The following PTPRG variants were observed in gnomAD, a reference collection of about 807,000 sequenced individuals.
The protein encoded by PTPRG is receptor-type tyrosine-protein phosphatase gamma.
PTPRG carries 102 observed loss-of-function variants against 165.3 expected under a neutral mutation model. That is an observed-to-expected ratio of 0.62 (90% confidence interval 0.53 to 0.73). PTPRG has a LOEUF of 0.73. Among genes scored for constraint, PTPRG ranks in the 30% least tolerant of loss-of-function variants. The probability of loss-of-function intolerance (pLI) is 0.00; values close to 1 mark genes in which losing one functional copy is unlikely to be tolerated. For missense variants in PTPRG, 1,866 were observed against 1,861.4 expected, an observed-to-expected ratio of 1.00 and a Z score of -0.05; for synonymous variants, 675 against 669.5, an observed-to-expected ratio of 1.01 and a Z score of -0.13.
chr3:62,073,606 G>A (rs1458170086), intron 4 of PTPRG, among the ~76,000 whole-genome samples: 1 of 152,050 alleles, frequency 6.6e-6, no homozygotes, highest in Admixed American at 6.5e-5. Flanking sequence ...AGCCTCCCAA[G>A]TAGCCTCCCA....
chr3:61,637,900 ATGTC>A (rs1701959592), intron 1 of PTPRG, among the ~76,000 whole-genome samples: 1 of 148,682 alleles, frequency 6.7e-6, no homozygotes, highest in Admixed American at 6.8e-5. Flanking sequence ...CTTACCATTC[ATGTC>A]TGTGAATTAT....
At chr3:61,913,462 G>T (rs573581935) in intron 2 of PTPRG, among the ~76,000 whole-genome samples, 1 of 152,156 alleles carries the variant, frequency 6.6e-6, no homozygotes, top group South Asian at 2.1e-4. Flanking sequence ...CTCGTGATCC[G>T]CCTGCCTCAG....
At position 62,203,115 on chromosome 3, in the gene PTPRG, CTTCTCTGCTT is replaced by C. The variant is rs1375286642; in HGVS notation, c.1378-55_1378-46del. The C allele has an allele frequency of 6.6e-7, 1 of 1,522,936 alleles. No individual in the cohort carries two copies. The highest frequency in any genetic ancestry group is 1.4e-5 in the African/African-American group (1 of 71,862). The allele number at this position is 1,522,936 out of a possible 1,614,324, so 94.3% of individuals were successfully genotyped here. A position where few individuals can be genotyped will look rare whatever the true frequency, so the allele number is the denominator to read the frequency against. On this transcript the variant is annotated intron_variant, in intron 11 of 29. Transcript: ENST00000474889. This position sits in a 1 kb window ranked among gnomAD's most constrained non-coding sequence, Gnocchi z 6.4. ...TCATTCCCAATCTCAATTACTGATG[CTTCTCTGCTT>C]TTTCTTCTTCTGCCTCTTTTCCACC...
intron 2 of PTPRG, among the ~76,000 whole-genome samples, chr3:61,884,291 C>A (rs1046400115): frequency 6.6e-5 from 10 of 152,172 alleles, no homozygotes; most frequent in African/African-American, 2.2e-4. Context: ...GTGTGCTTCA[C>A]TTTAATATGA....
intron 2 of PTPRG, among the ~76,000 whole-genome samples, chr3:61,962,510 T>A (rs1389513716): frequency 6.6e-6 from 1 of 152,148 alleles, no homozygotes; most frequent in East Asian, 1.9e-4. Context: ...ATAGGAAAAC[T>A]GTTCCTTTGA....
intron 2 of PTPRG, among the ~76,000 whole-genome samples, chr3:61,943,741 A>G (rs1324913576): frequency 6.6e-6 from 1 of 152,196 alleles, no homozygotes; most frequent in East Asian, 1.9e-4. Context: ...GGGGTACGTC[A>G]AAATTTCTTA....
rs146747826 is a variant in PTPRG, at chr3:62,127,713, C to CA, written c.616-4884dup. ...AGCAGATGGCCAGGACTTGATAGAG[C>CA]AAAAATTATTAGGATCCAAGTCAAG... On this transcript the variant is annotated intron_variant, in intron 5 of 29. Coordinates refer to ENST00000474889, the MANE Select transcript of PTPRG (RefSeq NM_002841.4). Among the ~76,000 whole-genome samples, 536 of 152,244 alleles carry CA rather than the reference C, an allele frequency of 3.5e-3. 3 individuals are homozygous for CA. The highest frequency in any genetic ancestry group is 0.011 in the African/African-American group (458 of 41,538).
At chr3:62,283,637 C>T (rs1702531467) in intron 28 of PTPRG, among the ~76,000 whole-genome samples, 1 of 152,110 alleles carries the variant, frequency 6.6e-6, no homozygotes, top group Non-Finnish European at 1.5e-5. Context: ...AGCTCTTGGT[C>T]AGCAGCATTC....
At chr3:62,008,698 G>A (rs2041351457) in intron 4 of PTPRG, among the ~76,000 whole-genome samples, 1 of 152,310 alleles carries the variant, frequency 6.6e-6, no homozygotes, top group East Asian at 1.9e-4. Flanking sequence ...GGGGTCGGGG[G>A]TTCAGAATGA....
At chr3:61,909,094 G>C (rs1475340276) in intron 2 of PTPRG, among the ~76,000 whole-genome samples, 1 of 152,062 alleles carries the variant, frequency 6.6e-6, no homozygotes, top group Non-Finnish European at 1.5e-5. Flanking sequence ...GGCTATTCTT[G>C]GTTTCATTCC....
intron 5 of PTPRG, among the ~76,000 whole-genome samples, chr3:62,100,510 T>C (rs541124050): frequency 6.3e-4 from 96 of 152,260 alleles, no homozygotes; most frequent in African/African-American, 2.3e-3. Context: ...TTCTTCACCA[T>C]GGATTTGGCA....
intron 16 of PTPRG, among the ~76,000 whole-genome samples, chr3:62,260,434 C>T (rs1701660773): frequency 1.3e-5 from 2 of 152,132 alleles, no homozygotes; most frequent in Non-Finnish European, 2.9e-5. Flanking sequence ...GCCTACATCA[C>T]CTCCCTAAAA....
chr3:62,285,452 A>C (rs964815340), intron 28 of PTPRG, among the ~76,000 whole-genome samples: 40 of 127,230 alleles, frequency 3.1e-4, no homozygotes, highest in African/African-American at 1.2e-3. Context: ...TTAGTGTGCA[A>C]ATGTTGTGAC....
chr3:62,224,996 A>G lies in PTPRG; in HGVS notation c.2288+6013A>G, dbSNP rs1700728067. 6.6e-6 allele frequency among the ~76,000 whole-genome samples: 1 copy of G among 152,212 alleles called. No individual in the cohort carries two copies. The highest frequency in any genetic ancestry group is 2.1e-4 in the South Asian group (1 of 4,834). On this transcript the variant is annotated intron_variant, in intron 13 of 29. Transcript: ENST00000474889. This position sits in a 1 kb window ranked among gnomAD's most constrained non-coding sequence, Gnocchi z 4.9. ...TTGTGAGGCAGATAATAAAAATAAA[A>G]TCAACTAACAGTTACAGCTTTAATG...
intron 4 of PTPRG, among the ~76,000 whole-genome samples, chr3:62,066,170 T>A (rs1438960449): frequency 6.6e-6 from 1 of 152,180 alleles, no homozygotes; most frequent in African/African-American, 2.4e-5. Flanking sequence ...AATTGCAAAT[T>A]CATGACGTCA....
intron 1 of PTPRG, among the ~76,000 whole-genome samples, chr3:61,702,495 T>A (rs1169541479): frequency 6.6e-6 from 1 of 152,216 alleles, no homozygotes; most frequent in African/African-American, 2.4e-5. Context: ...ATTAAAAAAA[T>A]TTAGTTTGAG....
At chr3:62,054,578 A>G (rs1700570892) in intron 4 of PTPRG, among the ~76,000 whole-genome samples, 6 of 152,234 alleles carry the variant, frequency 3.9e-5, no homozygotes, top group Admixed American at 2.6e-4. Flanking sequence ...CCTGGTTGCC[A>G]GAGCAGACTG....
At chr3:61,719,834 T>G (rs748174954) in intron 1 of PTPRG, among the ~76,000 whole-genome samples, 1 of 152,158 alleles carries the variant, frequency 6.6e-6, no homozygotes, top group Non-Finnish European at 1.5e-5. Flanking sequence ...GACACCCTTG[T>G]GCCTCACTGT....
chr3:61,720,354 C>G (rs2031995761), intron 1 of PTPRG, among the ~76,000 whole-genome samples: 1 of 152,156 alleles, frequency 6.6e-6, no homozygotes, highest in South Asian at 2.1e-4. Flanking sequence ...GAATTCCTGA[C>G]TTCAAGTGAT....
Sources: allele counts gnomAD v4.1 joint callset (sites outside exome capture counted in the v4.1 genomes callset), GRCh38; gene constraint gnomAD v4.1.1; non-coding constraint Gnocchi (gnomAD v3.1); transcripts MANE v1.5; gene names NCBI Gene and HGNC (gene_info 2026-07-23, HGNC 2026-07-21).